Variants in GSTO2 observed in about 807,000 individuals in gnomAD.
GSTO2 encodes the protein glutathione S-transferase omega-2.
A neutral mutation model predicts 28.4 loss-of-function variants in GSTO2; 23 were observed. The ratio of observed to expected loss-of-function variants is 0.81; its 90% CI spans 0.58 to 1.15. The LOEUF is 1.15. Ranked by LOEUF, GSTO2 falls within the 50% of genes most tolerant of loss-of-function variation. The pLI, the probability that GSTO2 is intolerant of heterozygous loss-of-function variation, is 0.00. For synonymous variants in GSTO2, 109 were observed against 111.0 expected (o/e 0.98, Z 0.11); for missense variants, 298 against 297.8 (o/e 1.00, Z 0.00).
intron 4 of GSTO2, among the ~76,000 whole-genome samples, chr10:104,278,787 G>A (rs567448599): frequency 6.6e-6 from 1 of 152,314 alleles, no homozygotes; most frequent in African/African-American, 2.4e-5. Flanking sequence ...GGCCAGTGAT[G>A]CTCTTTAGAA....
intron 5 of GSTO2, among the ~76,000 whole-genome samples, chr10:104,281,762 G>T (rs1057296686): frequency 5.9e-5 from 9 of 152,108 alleles, no homozygotes; most frequent in African/African-American, 2.2e-4. Flanking sequence ...GACCCTCGAG[G>T]GGCTCAAAGC....
intron 3 of GSTO2, among the ~76,000 whole-genome samples, chr10:104,275,586 G>A (rs2135091912): frequency 6.6e-6 from 1 of 152,198 alleles, no homozygotes; most frequent in East Asian, 1.9e-4. Flanking sequence ...TGATGGGGCT[G>A]GTGAACTGGT....
intron 5 of GSTO2, chr10:104,291,474 C>T (rs183406866): frequency 5.4e-4 from 82 of 151,264 alleles, no homozygotes; most frequent in African/African-American, 1.9e-3. Context: ...TTGCTTCTCT[C>T]GCGAAAACTG....
chr10:104,294,101 C>T (rs1031003655), intron 5 of GSTO2, among the ~76,000 whole-genome samples: 1 of 152,158 alleles, frequency 6.6e-6, no homozygotes, highest in African/African-American at 2.4e-5. Context: ...CTCTGCAGGA[C>T]CCAGGACGTG....
intron 5 of GSTO2, among the ~76,000 whole-genome samples, chr10:104,281,671 G>A (rs1054835954): frequency 2.0e-5 from 3 of 152,132 alleles, no homozygotes; most frequent in African/African-American, 7.2e-5. Context: ...AGGTACAAAT[G>A]GTACTAGTCC....
rs768279768 is a variant in GSTO2, at chr10:104,272,587, CTTTTTTTTTTTTTTTTTTTTTTTTTTT to C, written c.-231-2080_-231-2054del. ...GAATCAAAATAGAACAGTTATGGGA[CTTTTTTTTTTTTTTTTTTTTTTTTTTT>C]TTTTTTTTTTTTTTTTTGAGACGGA... On this transcript the variant is annotated intron_variant, in intron 1 of 6. Transcript: ENST00000338595. 1.1e-3 allele frequency among the ~76,000 whole-genome samples: 53 copies of C among 49,306 alleles called. No homozygotes were observed. In the South Asian group the frequency reaches 0.017, roughly 16 times the overall value. 32.3% of individuals were successfully genotyped at this position (49,306 alleles called of 152,430 possible). A position where few individuals can be genotyped will look rare whatever the true frequency, so the allele number is the denominator to read the frequency against.
intron 5 of GSTO2, among the ~76,000 whole-genome samples, chr10:104,286,882 A>G (rs898065969): frequency 6.6e-6 from 1 of 152,192 alleles, no homozygotes; most frequent in Non-Finnish European, 1.5e-5. Flanking sequence ...AGAATTTGGA[A>G]AATACAGGAA....
intron 5 of GSTO2, chr10:104,296,782 T>A (rs2013057477): frequency 6.6e-6 from 1 of 150,800 alleles, no homozygotes; most frequent in South Asian, 2.1e-4. Context: ...TTTTCTTTTC[T>A]TTTTTCTTTT....
chr10:104,294,081 A>G (rs1375699010), intron 5 of GSTO2, among the ~76,000 whole-genome samples: 1 of 152,118 alleles, frequency 6.6e-6, no homozygotes, highest in African/African-American at 2.4e-5. Flanking sequence ...TCAAGGCTTT[A>G]TTGAAGGAAC....
intron 5 of GSTO2, among the ~76,000 whole-genome samples, chr10:104,282,093 C>A (rs2012085885): frequency 6.6e-6 from 1 of 151,730 alleles, no homozygotes; most frequent in Non-Finnish European, 1.5e-5. Flanking sequence ...GCCTGTCAAG[C>A]AGGAGAGTGG....
intron 5 of GSTO2, among the ~76,000 whole-genome samples, chr10:104,284,506 C>T (rs369265676): frequency 6.6e-5 from 10 of 152,290 alleles, no homozygotes; most frequent in African/African-American, 2.2e-4. Flanking sequence ...CACTGGCTTT[C>T]CTGTTCTGAA....
Position 104,275,331 on chromosome 10 carries a change from TC to T in GSTO2, c.141del (p.Arg48AspfsTer9), listed in dbSNP as rs773288830. 1 of 1,613,566 alleles carries T rather than the reference TC, an allele frequency of 6.2e-7. No individual in the cohort carries two copies. Among genetic ancestry groups the T allele is most frequent in the Admixed American group, 1.7e-5 (1 of 59,960 alleles). On this transcript the variant is annotated frameshift_variant and splice_region_variant, in exon 3 of 7. Transcript: ENST00000338595. LOFTEE classifies it high-confidence loss of function. ...CGCCTCGTCCTCAAGGCCAAAGACA[TC>T]AGGTGAGAAGCGGGAACCCAGAGCC... ...RTRLVLKAKD[I>X]RHEVVNINLR...
intron 5 of GSTO2, among the ~76,000 whole-genome samples, chr10:104,284,720 G>A (rs192027109): frequency 1.6e-4 from 25 of 152,262 alleles, no homozygotes; most frequent in African/African-American, 6.0e-4. Flanking sequence ...GAATGTGGCA[G>A]GACCTCTTGG....
At chr10:104,288,752 T>C (rs973593341) in intron 5 of GSTO2, among the ~76,000 whole-genome samples, 5 of 152,266 alleles carry the variant, frequency 3.3e-5, no homozygotes, top group Admixed American at 6.5e-5. Context: ...ATTTTCTTTG[T>C]TGATTTGTAA....
At chr10:104,292,322 C>A (rs1301850497) in intron 5 of GSTO2, among the ~76,000 whole-genome samples, 1 of 151,610 alleles carries the variant, frequency 6.6e-6, no homozygotes. Context: ...CTACACCCAG[C>A]TAACTTTTTT....
intron 6 of GSTO2, 98 bp from the exon 7 acceptor site, chr10:104,299,030 A>T: frequency 1.8e-6 from 2 of 1,098,670 alleles, no homozygotes; most frequent in Non-Finnish European, 2.6e-6. Context: ...TCCCAAATAA[A>T]CTCATTCTTC....
chr10:104,284,892 C>CT (rs1332733015), intron 5 of GSTO2, among the ~76,000 whole-genome samples: 2 of 152,206 alleles, frequency 1.3e-5, no homozygotes, highest in African/African-American at 2.4e-5. Context: ...GTTCTGCACT[C>CT]TGACTATTGC....
At chr10:104,278,161 A>G (rs747473778) in intron 4 of GSTO2, 45 bp downstream of exon 4, 1 of 1,479,562 alleles carries the variant, frequency 6.8e-7, no homozygotes, top group East Asian at 2.3e-5. Context: ...TTTACTTTGC[A>G]TGTCTTTCCC....
chr10:104,275,026 C>T, intron 2 of GSTO2, 77 bp downstream of exon 2: 2 of 1,537,832 alleles, frequency 1.3e-6, no homozygotes, highest in Non-Finnish European at 1.7e-6. Flanking sequence ...AGCTGCCTGG[C>T]CTTGGCCTGC....
Sources: allele counts gnomAD v4.1 joint callset (sites outside exome capture counted in the v4.1 genomes callset), GRCh38; gene constraint gnomAD v4.1.1; transcripts MANE v1.5; gene names NCBI Gene and HGNC (gene_info 2026-07-23, HGNC 2026-07-21).